SLC2A5: variants seen among roughly 807,000 people sequenced by gnomAD.
SLC2A5 encodes the protein solute carrier family 2 member 5.
SLC2A5 carries 56 observed loss-of-function variants against 50.3 expected under a neutral mutation model. The observed-to-expected ratio is 1.11, with a 90% confidence interval of 0.90 to 1.39. The LOEUF is 1.39. Among genes scored for constraint, SLC2A5 ranks in the 40% most tolerant of loss-of-function variants. The pLI, the probability that SLC2A5 is intolerant of heterozygous loss-of-function variation, is 0.00. For missense variants in SLC2A5, 566 were observed against 650.1 expected, an observed-to-expected ratio of 0.87 and a Z score of 1.41; for synonymous variants, 269 against 281.9, an observed-to-expected ratio of 0.95 and a Z score of 0.46.
chr1:9,041,745 G>A (rs1281650807), intron 5 of SLC2A5, 40 bp downstream of exon 5: 1 of 1,613,886 alleles, frequency 6.2e-7, no homozygotes, highest in Non-Finnish European at 8.5e-7. Context: ...AAGGGTAGTG[G>A]TGAAGGGGTG....
Position 9,038,905 on chromosome 1 carries a change from G to A in SLC2A5, c.1021C>T (p.Arg341Trp), listed in dbSNP as rs764336149. 1.6e-5 allele frequency: 25 copies of A among 1,612,658 alleles called. No individual in the cohort carries two copies. The South Asian group carries it at 2.1e-4, about 13-fold the overall frequency. ...CAVFVVELLGRRLLLLLGFSI... is the reference protein window; with the variant it reads ...CAVFVVELLGWRLLLLLGFSI... ...AAGCCCAGCAGCAGCAGCAGCCTCC[G>A]ACCCAGGAGCTCCACCACGAACACC... is the stretch of plus-strand genomic sequence containing the variant. Residue 341 changes from arginine (R) to tryptophan (W), a missense_variant, in exon 9 of 12, where the codon CGG becomes TGG. Transcript: ENST00000377424.
chr1:9,077,447 AC>A (rs35830189), intron 2 of SLC2A5, among the ~76,000 whole-genome samples: 14,127 of 144,698 alleles, frequency 0.098, 963 homozygotes, highest in East Asian at 0.25. Flanking sequence ...CAAAAAAAAA[AC>A]CCCCAGAAAA....
At chr1:9,069,458 G>A in intron 1 of SLC2A5, 46 bp downstream of exon 1, 1 of 1,608,182 alleles carries the variant, frequency 6.2e-7, no homozygotes, top group Non-Finnish European at 8.5e-7. Context: ...ACAGGCCCTG[G>A]CAGCCAAGCC....
intron 2 of SLC2A5, among the ~76,000 whole-genome samples, chr1:9,083,268 G>A (rs150069578): frequency 2.0e-5 from 3 of 152,324 alleles, no homozygotes; most frequent in Non-Finnish European, 4.4e-5. Flanking sequence ...AATTTTCCAC[G>A]AAAGTGCACA....
intron 3 of SLC2A5, 22 bp from the exon 4 acceptor site, chr1:9,047,756 T>C: frequency 6.2e-7 from 1 of 1,610,002 alleles, no homozygotes; most frequent in Non-Finnish European, 8.5e-7. Context: ...AAAATATCAG[T>C]TAGTTTTGCT....
intron 3 of SLC2A5, among the ~76,000 whole-genome samples, chr1:9,050,277 C>CA (rs34430168): frequency 0.23 from 31,857 of 139,554 alleles, 3,625 homozygotes; most frequent in Non-Finnish European, 0.27. Context: ...GACTCTGTCT[C>CA]AAAAAAAAAA....
At chr1:9,059,436 C>T (rs907290923) in intron 1 of SLC2A5, among the ~76,000 whole-genome samples, 11 of 151,950 alleles carry the variant, frequency 7.2e-5, no homozygotes, top group African/African-American at 2.7e-4. Flanking sequence ...AGCCACCACG[C>T]CTGGCCAGAG....
At chr1:9,086,224 T>C (rs1642400277) in intron 1 of SLC2A5, among the ~76,000 whole-genome samples, 1 of 152,176 alleles carries the variant, frequency 6.6e-6, no homozygotes, top group Non-Finnish European at 1.5e-5. Flanking sequence ...CGATGGGTTC[T>C]TTCTGCCCGC....
intron 1 of SLC2A5, among the ~76,000 whole-genome samples, chr1:9,067,756 G>A (rs769762072): frequency 1.3e-5 from 2 of 152,182 alleles, no homozygotes; most frequent in Non-Finnish European, 2.9e-5. Flanking sequence ...GGGAGCTACT[G>A]CGTCTAGAAG....
At chr1:9,064,352 C>T (rs542848295) in intron 1 of SLC2A5, among the ~76,000 whole-genome samples, 5 of 152,136 alleles carry the variant, frequency 3.3e-5, no homozygotes, top group African/African-American at 1.2e-4. Flanking sequence ...CTCTGGCCAG[C>T]TTGTTAAAAT....
At chr1:9,053,082 A>AATATATAATAT (rs1641623863) in intron 3 of SLC2A5, among the ~76,000 whole-genome samples, 1 of 115,706 alleles carries the variant, frequency 8.6e-6, no homozygotes, top group South Asian at 2.3e-4. Context: ...TTTATATATT[A>AATATATAATAT]ATATATAATA....
chr1:9,056,685 G>A (rs1401340500), intron 3 of SLC2A5, among the ~76,000 whole-genome samples: 3 of 152,072 alleles, frequency 2.0e-5, no homozygotes, highest in Admixed American at 6.6e-5. Context: ...GGGGGAGCGT[G>A]ACATCTTAAG....
chr1:9,066,312 T>G lies in SLC2A5; in HGVS notation c.33+3192A>C, dbSNP rs1642081196. 1.3e-5 allele frequency among the ~76,000 whole-genome samples: 2 copies of G among 152,110 alleles called. 1 individual carries two copies. The highest frequency in any genetic ancestry group is 4.2e-4 in the South Asian group (2 of 4,818). ...GCGCAGTGGCACTATCTCTGCTCACTGCAAACTCTACCTCCCAGGCTCAGG... is the reference window on the plus strand; with the variant it reads ...GCGCAGTGGCACTATCTCTGCTCACGGCAAACTCTACCTCCCAGGCTCAGG... On this transcript the variant is annotated intron_variant, in intron 1 of 11. Transcript: ENST00000377424.
rs568112611 is a variant in SLC2A5 at position 9,053,081 on chromosome 1, TA to T, written c.293+4366del. On this transcript the variant is annotated intron_variant, in intron 3 of 11. Transcript: ENST00000377424. ...TAATATATATTATATATTTATATAT[TA>T]ATATATAATATATATTTATATATAA... 4.3e-4 allele frequency among the ~76,000 whole-genome samples: 30 copies of T among 70,314 alleles called. No individual in the cohort carries two copies. The East Asian group carries it at 4.8e-3, about 11-fold the overall frequency. The allele number at this position is 70,314 out of a possible 152,430, so 46.1% of individuals were successfully genotyped here.
chr1:9,078,306 AG>A (rs929155705), intron 2 of SLC2A5, among the ~76,000 whole-genome samples: 3 of 152,138 alleles, frequency 2.0e-5, no homozygotes, highest in Admixed American at 2.0e-4. Flanking sequence ...TTCATCAGCA[AG>A]GTTTTTGTGA....
Position 9,040,624 on chromosome 1 carries a change from A to G in SLC2A5, c.572-435T>C, listed in dbSNP as rs776994609. On this transcript the variant is annotated intron_variant, in intron 5 of 11. Coordinates refer to ENST00000377424, the MANE Select transcript of SLC2A5 (RefSeq NM_003039.3). The surrounding 1 kb of genome is among the most constrained non-coding windows in gnomAD (Gnocchi z 4.3). ...AAAGGACACCAGAAACAGTGGGAAT[A>G]TCGTTAACATTCCACATAGAGGGGA... 1 of 169,922 alleles carries G rather than the reference A, an allele frequency of 5.9e-6. No homozygotes were observed. Among genetic ancestry groups the G allele is most frequent in the African/African-American group, 2.4e-5 (1 of 41,858 alleles). The allele number at this position is 169,922 out of a possible 1,614,324, so 10.5% of individuals were successfully genotyped here.
chr1:9,045,626 G>A (rs1368469155), intron 4 of SLC2A5, among the ~76,000 whole-genome samples: 3 of 152,154 alleles, frequency 2.0e-5, no homozygotes, highest in East Asian at 3.9e-4. Flanking sequence ...GGTGGCTCAC[G>A]CCTGTAATCC....
intron 3 of SLC2A5, 111 bp from the exon 4 acceptor site, chr1:9,047,845 C>T (rs1284307729): frequency 1.7e-6 from 2 of 1,169,248 alleles, no homozygotes; most frequent in Non-Finnish European, 2.4e-6. Context: ...AGCAGCTTTA[C>T]TGCTGTGCGT....
intron 3 of SLC2A5, among the ~76,000 whole-genome samples, chr1:9,049,556 C>T (rs1376989767): frequency 3.3e-5 from 5 of 151,854 alleles, no homozygotes; most frequent in African/African-American, 9.7e-5. Flanking sequence ...GAAACCTCGT[C>T]GTCTCTACTA....
Sources: gnomAD v4.1 joint callset for allele counts (sites outside exome capture counted in the v4.1 genomes callset) on GRCh38, gnomAD v4.1.1 for gene constraint, Gnocchi (gnomAD v3.1) non-coding constraint, MANE v1.5 for transcripts, NCBI Gene and HGNC (gene_info 2026-07-23, HGNC 2026-07-21) for gene names.